Variants in GRM3 observed in about 807,000 individuals in gnomAD.
GRM3 encodes metabotropic glutamate receptor 3.
A neutral mutation model predicts 70.5 loss-of-function variants in GRM3; 26 were observed. The ratio of observed to expected loss-of-function variants is 0.37; its 90% confidence interval spans 0.27 to 0.51. The LOEUF (loss-of-function observed/expected upper bound fraction) is 0.51. GRM3 is among the 20% of genes least tolerant of loss of function. The pLI is 0.93. For synonymous variants in GRM3, 443 were observed against 434.9 expected (o/e 1.02, Z -0.23); for missense variants, 859 against 1,123.8 (o/e 0.76, Z 3.37).
chr7:86,686,346 TCAAG>T (rs1345887413), intron 1 of GRM3, among the ~76,000 whole-genome samples: 4 of 152,100 alleles, frequency 2.6e-5, no homozygotes, highest in African/African-American at 9.7e-5. Context: ...GGGGCAAAAT[TCAAG>T]CAAGAAGGTA....
At chr7:86,710,980 T>C (rs1255942618) in intron 1 of GRM3, among the ~76,000 whole-genome samples, 1 of 152,060 alleles carries the variant, frequency 6.6e-6, no homozygotes, top group East Asian at 1.9e-4. Context: ...GGCTCCATTA[T>C]TCATGCTTTG....
At chr7:86,678,505 G>A (rs1794362827) in intron 1 of GRM3, among the ~76,000 whole-genome samples, 3 of 152,054 alleles carry the variant, frequency 2.0e-5, no homozygotes, top group South Asian at 2.1e-4. Flanking sequence ...GTGATTCCAC[G>A]GTGTCTAAGA....
intron 3 of GRM3, among the ~76,000 whole-genome samples, chr7:86,806,993 T>C (rs948416685): frequency 7.4e-6 from 1 of 135,984 alleles, no homozygotes; most frequent in Non-Finnish European, 1.5e-5. Flanking sequence ...CACCATTTAT[T>C]AAATAGGAAA....
chr7:86,759,872 G>A (rs1363926266), intron 1 of GRM3, among the ~76,000 whole-genome samples: 1 of 152,224 alleles, frequency 6.6e-6, no homozygotes, highest in Middle Eastern at 3.4e-3. Flanking sequence ...TTACAGTCAT[G>A]CAATGGCATA....
At chr7:86,770,493 A>T (rs1796712324) in intron 2 of GRM3, among the ~76,000 whole-genome samples, 1 of 152,118 alleles carries the variant, frequency 6.6e-6, no homozygotes, top group Admixed American at 6.6e-5. Context: ...CCCTGAGAAG[A>T]ATAACTCCTG....
chr7:86,853,693 T>C (rs1164971703), intron 5 of GRM3, among the ~76,000 whole-genome samples: 2 of 152,198 alleles, frequency 1.3e-5, no homozygotes, highest in South Asian at 2.1e-4. Flanking sequence ...TAAGCTAATA[T>C]GGAAACAGAG....
intron 3 of GRM3, among the ~76,000 whole-genome samples, chr7:86,832,850 C>G (rs541363550): frequency 2.0e-5 from 3 of 152,104 alleles, no homozygotes. Flanking sequence ...TAAGCTAACC[C>G]GAGAAATGAT....
chr7:86,856,172 A>C (rs1354106798), intron 5 of GRM3, among the ~76,000 whole-genome samples: 1 of 152,120 alleles, frequency 6.6e-6, no homozygotes, highest in South Asian at 2.1e-4. Context: ...GGCCAGTCAC[A>C]GTGACTCATG....
chr7:86,762,612 T>C (rs2116404348), intron 1 of GRM3, among the ~76,000 whole-genome samples: 1 of 152,152 alleles, frequency 6.6e-6, no homozygotes, highest in South Asian at 2.1e-4. Flanking sequence ...AGAAAACAAA[T>C]ATAAATCAAA....
intron 1 of GRM3, among the ~76,000 whole-genome samples, chr7:86,721,750 G>A (rs968821720): frequency 4.6e-5 from 7 of 152,130 alleles, no homozygotes; most frequent in African/African-American, 1.7e-4. Context: ...CTTGTCAAGG[G>A]GATGATACCA....
intron 1 of GRM3, among the ~76,000 whole-genome samples, chr7:86,752,603 A>G (rs1213307522): frequency 6.6e-6 from 1 of 152,096 alleles, no homozygotes; most frequent in East Asian, 1.9e-4. Context: ...AAACTCATCA[A>G]GGACAAGAGG....
intron 1 of GRM3, among the ~76,000 whole-genome samples, chr7:86,755,637 G>A (rs949511922): frequency 6.6e-6 from 1 of 152,000 alleles, no homozygotes; most frequent in African/African-American, 2.4e-5. Context: ...GTGCCAGCTG[G>A]GTTTAAGCCT....
intron 1 of GRM3, among the ~76,000 whole-genome samples, chr7:86,725,068 ATG>A (rs1795560174): frequency 6.6e-6 from 1 of 152,080 alleles, no homozygotes; most frequent in Non-Finnish European, 1.5e-5. Flanking sequence ...TTACCAGGGG[ATG>A]TATGCATTGG....
chr7:86,826,391 AGAG>A (rs1380714255), intron 3 of GRM3, among the ~76,000 whole-genome samples: 1 of 152,200 alleles, frequency 6.6e-6, no homozygotes, highest in Non-Finnish European at 1.5e-5. Flanking sequence ...AGCTGATTGA[AGAG>A]GAGATGTGCA....
At chr7:86,713,798 T>C (rs1795253005) in intron 1 of GRM3, among the ~76,000 whole-genome samples, 1 of 152,106 alleles carries the variant, frequency 6.6e-6, no homozygotes. Flanking sequence ...AATTATTGAA[T>C]TATTAAATTA....
chr7:86,737,438 ATCTC>A (rs1333028794), intron 1 of GRM3, among the ~76,000 whole-genome samples: 1 of 152,318 alleles, frequency 6.6e-6, no homozygotes, highest in Middle Eastern at 3.4e-3. Context: ...AACTGACTGA[ATCTC>A]TCTGAACACT....
At chr7:86,818,125 T>A (rs1225754842) in intron 3 of GRM3, among the ~76,000 whole-genome samples, 1 of 152,072 alleles carries the variant, frequency 6.6e-6, no homozygotes, top group Non-Finnish European at 1.5e-5. Context: ...CACATCACAC[T>A]GCGTTCATCT....
At chr7:86,662,006 A>G (rs1184421090) in intron 1 of GRM3, among the ~76,000 whole-genome samples, 1 of 151,954 alleles carries the variant, frequency 6.6e-6, no homozygotes, top group Non-Finnish European at 1.5e-5. Context: ...GGTGAATCTT[A>G]AAATGAATGG....
intron 3 of GRM3, among the ~76,000 whole-genome samples, chr7:86,818,666 T>C (rs1584262758): frequency 2.0e-5 from 3 of 152,212 alleles, no homozygotes; most frequent in Admixed American, 2.0e-4. Flanking sequence ...GAAGGAACAA[T>C]TGGGAAAGTA....
Sources: allele counts gnomAD v4.1 joint callset (sites outside exome capture counted in the v4.1 genomes callset), GRCh38; gene constraint gnomAD v4.1.1; transcripts MANE v1.5; gene names NCBI Gene and HGNC (gene_info 2026-07-23, HGNC 2026-07-21).